FOXP4: variants seen among roughly 807,000 people sequenced by gnomAD.
The protein encoded by FOXP4 is forkhead box P4, also known as forkhead box protein P4.
A neutral mutation model predicts 82.6 loss-of-function variants in FOXP4; 25 were observed. The ratio of observed to expected loss-of-function variants is 0.30; its 90% CI spans 0.22 to 0.42. The LOEUF is 0.42. Among genes scored for constraint, FOXP4 ranks in the 10% least tolerant of loss-of-function variants. The probability of loss-of-function intolerance (pLI) is 1.00; values close to 1 mark genes in which losing one functional copy is unlikely to be tolerated. For missense variants in FOXP4, 785 were observed against 900.9 expected (o/e 0.87, Z 1.65); for synonymous variants, 415 against 388.2 (o/e 1.07, Z -0.81).
Position 41,599,006 on chromosome 6 carries a change from A to C in FOXP4, c.*70A>C. On this transcript the variant is annotated 3_prime_UTR_variant, in exon 17 of 17. Coordinates refer to ENST00000307972, the MANE Select transcript of FOXP4 (RefSeq NM_001012426.2). ...CAGAATCCAGGCCCCATCTCCCCCA[A>C]CTCCACAGCCCCTCCCGAGCCTCAA... The C allele has an allele frequency of 6.9e-7, 1 of 1,457,040 alleles. No homozygotes were observed. Among genetic ancestry groups the C allele is most frequent in the South Asian group, 1.5e-5 (1 of 68,350 alleles). 90.3% of individuals were successfully genotyped at this position (1,457,040 alleles called of 1,614,324 possible).
chr6:41,551,726 C>T (rs1042281296), intron 1 of FOXP4, among the ~76,000 whole-genome samples: 2 of 152,148 alleles, frequency 1.3e-5, no homozygotes, highest in Admixed American at 6.5e-5. Flanking sequence ...CTGGTGGGAG[C>T]AGAAGTTACT....
intron 13 of FOXP4, among the ~76,000 whole-genome samples, chr6:41,592,055 G>C (rs969645959): frequency 3.9e-5 from 6 of 151,996 alleles, no homozygotes; most frequent in Admixed American, 3.3e-4. Context: ...TTGGGAGAGT[G>C]GGCGGGGCGG....
rs370865740 is a variant in FOXP4 at position 41,565,903 on chromosome 6, C to A, written c.143C>A (p.Thr48Lys). The change falls in exon 2 of 17, where the codon ACG (threonine) becomes AAG (lysine). Residue 48 changes from threonine (T) to lysine (K), a missense_variant. Around this residue, in one of 3 missense-constraint regions of FOXP4, gnomAD observed 570 missense variants for 634.0 expected, o/e 0.90. Coordinates refer to ENST00000307972, the MANE Select transcript of FOXP4 (RefSeq NM_001012426.2). ...AGTGGCACGGGCAGGGAAGTGACCACGGGTGCAGACAGCAATGGTGAGATG... is the reference window on the plus strand; with the variant it reads ...AGTGGCACGGGCAGGGAAGTGACCAAGGGTGCAGACAGCAATGGTGAGATG... ...TASGTGREVTTGADSNGEMSP... is the reference protein window; with the variant it reads ...TASGTGREVTKGADSNGEMSP... The A allele has an allele frequency of 6.8e-6, 11 of 1,613,908 alleles. No homozygotes were observed. In the Admixed American group the frequency reaches 1.8e-4, roughly 27 times the overall value.
chr6:41,591,388 C>T lies in FOXP4; in HGVS notation c.1536+66C>T. 1.5e-6 allele frequency: 2 copies of T among 1,329,878 alleles called. No individual in the cohort carries two copies. The highest frequency in any genetic ancestry group is 3.9e-5 in the Admixed American group (2 of 50,852). 82.4% of individuals were successfully genotyped at this position (1,329,878 alleles called of 1,614,324 possible). On this transcript the variant is annotated intron_variant, in intron 13 of 16. Coordinates refer to ENST00000307972, the MANE Select transcript of FOXP4 (RefSeq NM_001012426.2). The surrounding 1 kb of genome is among the most constrained non-coding windows in gnomAD (Gnocchi z 4.2). ...TTGGACCTGCCATATCCCATGGAGACCAAGGCTGCCTAACAATTAGTTCCC... is the reference window on the plus strand; with the variant it reads ...TTGGACCTGCCATATCCCATGGAGATCAAGGCTGCCTAACAATTAGTTCCC...
At position 41,593,114 on chromosome 6, in the gene FOXP4, A is replaced by G. The variant is rs1258084948; in HGVS notation, c.1537-1756A>G. On this transcript the variant is annotated intron_variant, in intron 13 of 16. Coordinates refer to ENST00000307972, the MANE Select transcript of FOXP4 (RefSeq NM_001012426.2). This position sits in a 1 kb window ranked among gnomAD's most constrained non-coding sequence, Gnocchi z 4.1. ...TTGACCTTCTGGTTTTTTTCAGCCA[A>G]ATGCATTCATGTTACTTGGGAAATA... Among the ~76,000 whole-genome samples the G allele has an allele frequency of 1.3e-5, 2 of 151,906 alleles. No individual in the cohort carries two copies. The highest frequency in any genetic ancestry group is 4.8e-5 in the African/African-American group (2 of 41,326).
Position 41,602,131 on chromosome 6 carries a change from T to A in FOXP4, c.*3195T>A, listed in dbSNP as rs1490518049. On this transcript the variant is annotated 3_prime_UTR_variant, in exon 17 of 17. Transcript: ENST00000307972. The stretch of plus-strand genomic sequence containing the variant: ...CAGGCCTGCTCCACCACAGCCCTAA[T>A]CCTCTGGACGCTTGTGTAGGGCCTG... 1 of 152,246 alleles carries A rather than the reference T, an allele frequency of 6.6e-6. No homozygotes were observed. The highest frequency in any genetic ancestry group is 1.5e-5 in the Non-Finnish European group (1 of 68,066). 9.4% of individuals were successfully genotyped at this position (152,246 alleles called of 1,614,324 possible).
chr6:41,578,965 G>A (rs1407414592), intron 3 of FOXP4, among the ~76,000 whole-genome samples: 2 of 152,062 alleles, frequency 1.3e-5, no homozygotes, highest in Admixed American at 6.6e-5. Flanking sequence ...GGTTGGTTCT[G>A]AGCTGGAGGT....
intron 3 of FOXP4, among the ~76,000 whole-genome samples, chr6:41,579,026 T>G (rs1237334305): frequency 6.6e-6 from 1 of 151,550 alleles, no homozygotes. Flanking sequence ...GAGGGTGGGG[T>G]GGGTGCAGGG....
chr6:41,573,258 A>C, intron 2 of FOXP4, among the ~76,000 whole-genome samples: 1 of 151,630 alleles, frequency 6.6e-6, no homozygotes, highest in African/African-American at 2.4e-5. Flanking sequence ...CACTCCACCA[A>C]CCCCGAATTC....
chr6:41,574,755 C>T (rs1352733042), intron 2 of FOXP4, among the ~76,000 whole-genome samples: 2 of 152,200 alleles, frequency 1.3e-5, no homozygotes, highest in South Asian at 4.1e-4. Context: ...AGTGTGAACA[C>T]ATCTGGTGCA....
chr6:41,560,679 C>G (rs151174697), intron 1 of FOXP4, among the ~76,000 whole-genome samples: 2 of 152,218 alleles, frequency 1.3e-5, no homozygotes, highest in African/African-American at 4.8e-5. Flanking sequence ...AATTGGAAAA[C>G]CCTGGTATTG....
At chr6:41,590,396 C>T in intron 12 of FOXP4, 49 bp downstream of exon 12, 9 of 1,566,210 alleles carry the variant, frequency 5.7e-6, no homozygotes, top group Non-Finnish European at 7.8e-6. Context: ...ACAGGCTGCT[C>T]CCCCAGCCCC....
intron 1 of FOXP4, among the ~76,000 whole-genome samples, chr6:41,549,968 A>G (rs1453941920): frequency 1.3e-5 from 2 of 152,210 alleles, no homozygotes; most frequent in African/African-American, 2.4e-5. Context: ...GTGTGAAATA[A>G]TAATTTCTTC....
intron 1 of FOXP4, among the ~76,000 whole-genome samples, chr6:41,560,163 T>C (rs72858938): frequency 0.074 from 11,188 of 150,528 alleles, 468 homozygotes; most frequent in Non-Finnish European, 0.092. Flanking sequence ...CCAGGTGCAG[T>C]GTCTCAGGCC....
chr6:41,550,755 C>T (rs1426913705), intron 1 of FOXP4, among the ~76,000 whole-genome samples: 3 of 152,214 alleles, frequency 2.0e-5, no homozygotes, highest in Non-Finnish European at 2.9e-5. Context: ...TGCACACAAC[C>T]CTGGAGCATT....
At chr6:41,575,207 A>G (rs1765409562) in intron 2 of FOXP4, among the ~76,000 whole-genome samples, 1 of 152,122 alleles carries the variant, frequency 6.6e-6, no homozygotes, top group South Asian at 2.1e-4. Flanking sequence ...TGACCTCATG[A>G]TCCGCCTGCC....
chr6:41,595,803 C>T (rs558884348), intron 14 of FOXP4, among the ~76,000 whole-genome samples: 26 of 152,266 alleles, frequency 1.7e-4, no homozygotes, highest in African/African-American at 6.0e-4. Flanking sequence ...GTGGTTTCAC[C>T]ACGTTGGTCA....
chr6:41,571,563 C>A (rs184088350), intron 2 of FOXP4, among the ~76,000 whole-genome samples: 2 of 152,296 alleles, frequency 1.3e-5, no homozygotes, highest in East Asian at 3.9e-4. Flanking sequence ...CCACGTGGGC[C>A]TGTCTGTGTC....
chr6:41,589,946 C>T lies in FOXP4; in HGVS notation c.1150-17C>T. On this transcript the variant is annotated splice_polypyrimidine_tract_variant and intron_variant, in intron 10 of 16. Coordinates refer to ENST00000307972, the MANE Select transcript of FOXP4 (RefSeq NM_001012426.2). ...ACCCTCGGGCACTGGTCTCAGTACC[C>T]TCCCCGTTGCTCACAGCTGAACCCG... The T allele has an allele frequency of 1.2e-6, 2 of 1,613,492 alleles. No homozygotes were observed. Among genetic ancestry groups the T allele is most frequent in the South Asian group, 1.1e-5 (1 of 91,058 alleles).
Sources: allele counts gnomAD v4.1 joint callset (sites outside exome capture counted in the v4.1 genomes callset), GRCh38; gene constraint gnomAD v4.1.1; regional missense constraint gnomAD v4.1.1; non-coding constraint Gnocchi (gnomAD v3.1); transcripts MANE v1.5; gene names NCBI Gene and HGNC (gene_info 2026-07-23, HGNC 2026-07-21).